Variants in VTCN1 observed in about 807,000 individuals in gnomAD.
VTCN1 encodes the protein V-set domain-containing T-cell activation inhibitor 1.
VTCN1 carries 26 observed loss-of-function variants against 26.5 expected under a neutral mutation model. That is an observed-to-expected ratio of 0.98 (90% CI 0.72 to 1.36). The LOEUF is 1.36. VTCN1 is among the 40% of genes most tolerant of loss of function. The pLI is 0.00. For missense variants in VTCN1, 298 were observed against 337.7 expected (o/e 0.88, Z 0.92); for synonymous variants, 116 against 130.7 (o/e 0.89, Z 0.77).
At chr1:117,206,066 A>G (rs1649037038) in intron 1 of VTCN1, among the ~76,000 whole-genome samples, 1 of 152,182 alleles carries the variant, frequency 6.6e-6, no homozygotes, top group South Asian at 2.1e-4. Flanking sequence ...TAATAAGTCT[A>G]AATCCTAGCA....
chr1:117,149,290 T>TA (rs1651671816), intron 4 of VTCN1, among the ~76,000 whole-genome samples: 1 of 148,964 alleles, frequency 6.7e-6, no homozygotes, highest in African/African-American at 2.5e-5. Flanking sequence ...TGTTTTGGGG[T>TA]GGGTTTTTTT....
At chr1:117,174,569 C>G (rs1647219503) in intron 1 of VTCN1, among the ~76,000 whole-genome samples, 1 of 152,168 alleles carries the variant, frequency 6.6e-6, no homozygotes, top group African/African-American at 2.4e-5. Context: ...GAGTTCAAGA[C>G]CAGCCCGGCC....
intron 1 of VTCN1, among the ~76,000 whole-genome samples, chr1:117,204,359 T>C (rs569959149): frequency 6.6e-6 from 1 of 152,280 alleles, no homozygotes; most frequent in African/African-American, 2.4e-5. Context: ...TTCCTTGAGG[T>C]CACCCAGCTA....
intron 1 of VTCN1, among the ~76,000 whole-genome samples, chr1:117,179,335 G>T (rs1007897940): frequency 6.6e-6 from 1 of 152,124 alleles, no homozygotes; most frequent in South Asian, 2.1e-4. Context: ...AAATCAGGGC[G>T]GTGATATGAC....
At chr1:117,206,480 C>A (rs1017566049) in intron 1 of VTCN1, among the ~76,000 whole-genome samples, 1 of 152,172 alleles carries the variant, frequency 6.6e-6, no homozygotes, top group Admixed American at 6.5e-5. Flanking sequence ...GTACTATTAT[C>A]TGCCCCATTT....
rs1192174170 is a variant in VTCN1 at position 117,155,027 on chromosome 1, GTTTTGAGGAGTACTGGTTAGGTA to G, written c.445+1524_445+1546del. ...TTCTGTATATTCCATGACGTTGACA[GTTTTGAGGAGTACTGGTTAGGTA>G]TTTTGAGGAGTACCGGTTAGGTATT... On this transcript the variant is annotated intron_variant, in intron 3 of 5. Transcript: ENST00000369458. This position sits in a 1 kb window ranked among gnomAD's most constrained non-coding sequence, Gnocchi z 4.8. Among the ~76,000 whole-genome samples, 2 of 152,176 alleles carry G rather than the reference GTTTTGAGGAGTACTGGTTAGGTA, an allele frequency of 1.3e-5. No homozygotes were observed. The highest frequency in any genetic ancestry group is 2.9e-5 in the Non-Finnish European group (2 of 68,030).
chr1:117,197,254 T>A (rs1293667945), intron 1 of VTCN1, among the ~76,000 whole-genome samples: 1 of 152,130 alleles, frequency 6.6e-6, no homozygotes, highest in Non-Finnish European at 1.5e-5. Context: ...AATATCAATG[T>A]AGAAATATGA....
At chr1:117,153,660 T>A (rs376825487) in intron 3 of VTCN1, among the ~76,000 whole-genome samples, 29 of 152,200 alleles carry the variant, frequency 1.9e-4, no homozygotes, top group African/African-American at 6.5e-4. Context: ...TTTCTCCAAG[T>A]AAGAGGAACT....
At chr1:117,205,294 A>G (rs1648999547) in intron 1 of VTCN1, among the ~76,000 whole-genome samples, 1 of 151,960 alleles carries the variant, frequency 6.6e-6, no homozygotes, top group African/African-American at 2.4e-5. Flanking sequence ...AGCTGGGACT[A>G]CAGGCATGTA....
At chr1:117,208,298 C>A (rs1649199502) in intron 1 of VTCN1, among the ~76,000 whole-genome samples, 1 of 152,148 alleles carries the variant, frequency 6.6e-6, no homozygotes, top group East Asian at 1.9e-4. Flanking sequence ...CCTAGACAGC[C>A]TTTTCCACCC....
At chr1:117,172,023 C>T (rs1319247186) in intron 1 of VTCN1, among the ~76,000 whole-genome samples, 1 of 152,138 alleles carries the variant, frequency 6.6e-6, no homozygotes, top group Non-Finnish European at 1.5e-5. Flanking sequence ...GGAAGCTCGC[C>T]CGTTGCTGCC....
At chr1:117,192,016 G>GAT (rs3048666) in intron 1 of VTCN1, among the ~76,000 whole-genome samples, 59 of 149,216 alleles carry the variant, frequency 4.0e-4, no homozygotes, top group Non-Finnish European at 7.0e-4. Context: ...GAGATATATA[G>GAT]ATATATATAT....
At chr1:117,180,735 C>T (rs1400269443) in intron 1 of VTCN1, among the ~76,000 whole-genome samples, 3 of 152,176 alleles carry the variant, frequency 2.0e-5, no homozygotes. Flanking sequence ...GTCCTGGCTG[C>T]TGTCCATTCA....
intron 1 of VTCN1, among the ~76,000 whole-genome samples, chr1:117,189,449 T>A (rs902119419): frequency 6.6e-6 from 1 of 152,184 alleles, no homozygotes; most frequent in East Asian, 1.9e-4. Context: ...TTTAACTGTT[T>A]TTCCCTGTCG....
At chr1:117,208,950 T>C (rs1204445353) in intron 1 of VTCN1, among the ~76,000 whole-genome samples, 1 of 152,162 alleles carries the variant, frequency 6.6e-6, no homozygotes, top group Non-Finnish European at 1.5e-5. Context: ...ATTAAGGCCA[T>C]TATGACAAAG....
intron 1 of VTCN1, among the ~76,000 whole-genome samples, chr1:117,202,094 T>C (rs933310812): frequency 5.3e-5 from 8 of 152,230 alleles, no homozygotes; most frequent in Non-Finnish European, 2.9e-5. Context: ...TGACTTACCC[T>C]ATCATGCCTC....
chr1:117,173,688 A>G (rs1653049752), intron 1 of VTCN1, among the ~76,000 whole-genome samples: 1 of 152,254 alleles, frequency 6.6e-6, no homozygotes, highest in Non-Finnish European at 1.5e-5. Context: ...AGAAAGGGCT[A>G]TTCATACACT....
rs114396273 is a variant in VTCN1 at position 117,210,911 on chromosome 1, C to A, written c.-56G>T. On this transcript the variant is annotated 5_prime_UTR_variant, in exon 1 of 6. The change creates a new upstream start codon in the 5' untranslated region. Coordinates refer to ENST00000369458, the MANE Select transcript of VTCN1 (RefSeq NM_024626.4). ...ACTGGCTGAGTGGAGCTGCCGCTGC[C>A]TTCCTTGGTGACTCACAACCAGCTC... is the stretch of plus-strand genomic sequence containing the variant. 9.9e-4 allele frequency: 1,581 copies of A among 1,598,308 alleles called. 6 individuals are homozygous for A. In the African/African-American group the frequency reaches 0.018, roughly 18 times the overall value.
At chr1:117,154,800 A>G (rs6696352) in intron 3 of VTCN1, among the ~76,000 whole-genome samples, 5,434 of 150,654 alleles carry the variant, frequency 0.036, 144 homozygotes, top group African/African-American at 0.095. Context: ...AAAAAAAAAA[A>G]AAAGAAAGAA....
Sources: allele counts gnomAD v4.1 joint callset (sites outside exome capture counted in the v4.1 genomes callset), GRCh38; gene constraint gnomAD v4.1.1; non-coding constraint Gnocchi (gnomAD v3.1); transcripts MANE v1.5; gene names NCBI Gene and HGNC (gene_info 2026-07-23, HGNC 2026-07-21).